The following PPFIA2 variants were observed in gnomAD, a reference collection of about 807,000 sequenced individuals.
PPFIA2 encodes liprin-alpha-2.
PPFIA2 carries 46 observed loss-of-function variants against 175.5 expected under a neutral mutation model. The observed-to-expected ratio is 0.26, with a 90% CI of 0.21 to 0.34. The LOEUF (loss-of-function observed/expected upper bound fraction) is 0.34. Ranked by LOEUF, PPFIA2 falls within the 10% of genes least tolerant of loss-of-function variation. PPFIA2 has a pLI of 1.00. For synonymous variants in PPFIA2, 568 were observed against 511.4 expected, an observed-to-expected ratio of 1.11 and a Z score of -1.49; for missense variants, 1,179 against 1,506.1, an observed-to-expected ratio of 0.78 and a Z score of 3.60.
chr12:81,287,928 A>T (rs1211043261), intron 24 of PPFIA2, among the ~76,000 whole-genome samples: 1 of 151,836 alleles, frequency 6.6e-6, no homozygotes, highest in Non-Finnish European at 1.5e-5. Flanking sequence ...GATCCCCTTA[A>T]AATTATCTAC....
chr12:81,600,618 A>G (rs1194070302), intron 4 of PPFIA2, among the ~76,000 whole-genome samples: 1 of 151,924 alleles, frequency 6.6e-6, no homozygotes, highest in African/African-American at 2.4e-5. Flanking sequence ...CATGGGATTT[A>G]TTCAAATGAT....
intron 22 of PPFIA2, among the ~76,000 whole-genome samples, chr12:81,317,262 T>G (rs1426434166): frequency 6.6e-6 from 1 of 151,504 alleles, no homozygotes; most frequent in East Asian, 1.9e-4. Context: ...AGCAGAGAGA[T>G]AAAGCTGGTG....
intron 4 of PPFIA2, among the ~76,000 whole-genome samples, chr12:81,572,039 C>A (rs557888973): frequency 6.6e-6 from 1 of 152,102 alleles, no homozygotes; most frequent in South Asian, 2.1e-4. Flanking sequence ...TAGGGTATCC[C>A]CCAGGACATA....
At chr12:81,357,739 C>T (rs1171395790) in intron 16 of PPFIA2, among the ~76,000 whole-genome samples, 1 of 152,080 alleles carries the variant, frequency 6.6e-6, no homozygotes, top group Admixed American at 6.6e-5. Context: ...GTACTGGAAA[C>T]TACACAAACA....
intron 4 of PPFIA2, among the ~76,000 whole-genome samples, chr12:81,464,029 T>C (rs997570709): frequency 6.6e-6 from 1 of 152,072 alleles, no homozygotes; most frequent in African/African-American, 2.4e-5. Flanking sequence ...AGTTGTTACC[T>C]TTTTACTTAT....
At chr12:81,310,106 C>A (rs936438151) in intron 22 of PPFIA2, among the ~76,000 whole-genome samples, 2 of 151,942 alleles carry the variant, frequency 1.3e-5, no homozygotes, top group Non-Finnish European at 1.5e-5. Flanking sequence ...AATTTTAAGC[C>A]CTCTTTTACC....
chr12:81,376,542 A>G (rs201687072), intron 9 of PPFIA2, among the ~76,000 whole-genome samples: 47 of 152,280 alleles, frequency 3.1e-4, no homozygotes, highest in East Asian at 2.1e-3. Context: ...TGAACACATA[A>G]ATATAGGAAA....
chr12:81,618,555 G>T (rs192966560), intron 4 of PPFIA2, among the ~76,000 whole-genome samples: 7 of 116,662 alleles, frequency 6.0e-5, no homozygotes, highest in Admixed American at 1.9e-4. Flanking sequence ...TTGAGATGGA[G>T]TGTCGCTCTG....
intron 28 of PPFIA2, among the ~76,000 whole-genome samples, chr12:81,277,015 C>CA (rs2040698298): frequency 2.6e-5 from 4 of 151,944 alleles, no homozygotes; most frequent in African/African-American, 9.7e-5. Flanking sequence ...AAAAGTCTGA[C>CA]AAAAATATCT....
At chr12:81,286,836 T>C (rs2043563678) in intron 24 of PPFIA2, among the ~76,000 whole-genome samples, 1 of 152,054 alleles carries the variant, frequency 6.6e-6, no homozygotes, top group African/African-American at 2.4e-5. Context: ...GTACAGATGA[T>C]GTTTTTTCTA....
At chr12:81,666,535 C>T (rs1471040811) in intron 4 of PPFIA2, among the ~76,000 whole-genome samples, 3 of 152,120 alleles carry the variant, frequency 2.0e-5, no homozygotes, top group Admixed American at 6.6e-5. Context: ...ACCACATGTT[C>T]TCACTCATAG....
chr12:81,528,490 G>A (rs1439809541), intron 4 of PPFIA2, among the ~76,000 whole-genome samples: 1 of 152,068 alleles, frequency 6.6e-6, no homozygotes, highest in African/African-American at 2.4e-5. Context: ...TTCTAGGTAT[G>A]AGGGGAAATA....
intron 24 of PPFIA2, among the ~76,000 whole-genome samples, chr12:81,291,158 A>G (rs1453052613): frequency 6.6e-6 from 1 of 151,920 alleles, no homozygotes; most frequent in Non-Finnish European, 1.5e-5. Flanking sequence ...CTCTAAAATC[A>G]GTATTTTTTA....
intron 4 of PPFIA2, among the ~76,000 whole-genome samples, chr12:81,668,213 C>T (rs1043365736): frequency 6.6e-6 from 1 of 152,038 alleles, no homozygotes; most frequent in Non-Finnish European, 1.5e-5. Context: ...GATCCCATTG[C>T]CCTAGCAGGC....
chr12:81,597,464 T>C (rs1390071030), intron 4 of PPFIA2, among the ~76,000 whole-genome samples: 1 of 152,112 alleles, frequency 6.6e-6, no homozygotes, highest in Middle Eastern at 3.2e-3. Context: ...TTGTTTATTG[T>C]CTTTATGTTA....
At chr12:81,641,745 T>C (rs1208857889) in intron 4 of PPFIA2, among the ~76,000 whole-genome samples, 2 of 152,140 alleles carry the variant, frequency 1.3e-5, no homozygotes, top group Non-Finnish European at 1.5e-5. Flanking sequence ...AGAACTGCCC[T>C]GTAGAGCCAA....
intron 5 of PPFIA2, among the ~76,000 whole-genome samples, chr12:81,446,824 T>C (rs576169707): frequency 6.6e-6 from 1 of 152,258 alleles, no homozygotes; most frequent in Non-Finnish European, 1.5e-5. Flanking sequence ...TGGTTTTCAC[T>C]ATACCACTGT....
chr12:81,338,945 A>G (rs139854496), intron 21 of PPFIA2, among the ~76,000 whole-genome samples: 11 of 152,272 alleles, frequency 7.2e-5, no homozygotes, highest in African/African-American at 2.6e-4. Flanking sequence ...AATTCTAGCT[A>G]TTGTTATAAA....
chr12:81,358,238 A>G (rs1217100663), intron 15 of PPFIA2, 21 bp from the exon 16 acceptor site: 1 of 1,548,848 alleles, frequency 6.5e-7, no homozygotes, highest in East Asian at 2.4e-5. Context: ...GGAAAAATAT[A>G]AAATAATCCA....
Sources: gnomAD v4.1 joint callset for allele counts (sites outside exome capture counted in the v4.1 genomes callset) on GRCh38, gnomAD v4.1.1 for gene constraint, MANE v1.5 for transcripts, NCBI Gene and HGNC (gene_info 2026-07-23, HGNC 2026-07-21) for gene names.